Variants in ARAP2 observed in about 807,000 individuals in gnomAD.
The protein encoded by ARAP2 is ArfGAP with RhoGAP domain, ankyrin repeat and PH domain 2.
A neutral mutation model predicts 194.5 loss-of-function variants in ARAP2; 148 were observed. The ratio of observed to expected loss-of-function variants is 0.76; its 90% confidence interval spans 0.67 to 0.87. The LOEUF is 0.87. Among genes scored for constraint, ARAP2 ranks in the 40% least tolerant of loss-of-function variants. The pLI, the probability that ARAP2 is intolerant of heterozygous loss-of-function variation, is 0.00. For missense variants in ARAP2, 2,128 were observed against 1,989.7 expected (o/e 1.07, Z -1.32); for synonymous variants, 695 against 683.5 (o/e 1.02, Z -0.26).
rs905106178 is a variant in ARAP2 at position 36,180,284 on chromosome 4, G to A, written c.1679-2279C>T. Among the ~76,000 whole-genome samples the A allele has an allele frequency of 6.0e-5, 9 of 150,308 alleles. No individual in the cohort carries two copies. In the East Asian group the frequency reaches 7.8e-4, roughly 13 times the overall value. On this transcript the variant is annotated intron_variant, in intron 8 of 32. Coordinates refer to ENST00000303965, the MANE Select transcript of ARAP2 (RefSeq NM_015230.4). The stretch of plus-strand genomic sequence containing the variant: ...CAAAACTTCGTCCCCCCGCTCCCCC[G>A]CCAAAAAAAAAAGAATTGGTGCTTG...
intron 2 of ARAP2, among the ~76,000 whole-genome samples, chr4:36,216,352 A>G (rs1747936991): frequency 6.6e-6 from 1 of 152,254 alleles, no homozygotes; most frequent in Non-Finnish European, 1.5e-5. Context: ...TAGAATAGCT[A>G]AAATTAAGGC....
intron 8 of ARAP2, 28 bp from the exon 9 acceptor site, chr4:36,178,033 T>C: frequency 1.3e-6 from 2 of 1,555,500 alleles, no homozygotes; most frequent in Non-Finnish European, 8.7e-7. Context: ...AGAAAATACA[T>C]AAATCCACAT....
intron 2 of ARAP2, among the ~76,000 whole-genome samples, chr4:36,227,169 C>G (rs904918609): frequency 6.6e-6 from 1 of 152,064 alleles, no homozygotes; most frequent in African/African-American, 2.4e-5. Flanking sequence ...CCCATGTGAT[C>G]TTGGAGAAAT....
intron 3 of ARAP2, among the ~76,000 whole-genome samples, chr4:36,049,214 TTTAA>T (rs1214820815): frequency 6.6e-6 from 1 of 152,166 alleles, no homozygotes; most frequent in Non-Finnish European, 1.5e-5. Flanking sequence ...TATTCTTAAG[TTTAA>T]TTAAAGCTTA....
chr4:36,124,620 T>C (rs966331092), intron 22 of ARAP2, among the ~76,000 whole-genome samples: 1 of 151,902 alleles, frequency 6.6e-6, no homozygotes, highest in Non-Finnish European at 1.5e-5. Flanking sequence ...ATTCTCCAGC[T>C]TCCAAACCAA....
At position 36,210,891 on chromosome 4, in the gene ARAP2, A is replaced by T. The variant is rs76600730; in HGVS notation, c.1134-148T>A. The stretch of plus-strand genomic sequence containing the variant: ...CCATTAACCCTATTGAAAATTTTTT[A>T]AACTCTTCCAGAAAAGCTAAGTAAA... On this transcript the variant is annotated intron_variant, in intron 5 of 32. Transcript: ENST00000303965. The T allele has an allele frequency of 6.4e-3, 3,793 of 589,150 alleles. 55 individuals are homozygous for T. The highest frequency in any genetic ancestry group is 0.039 in the African/African-American group (2,035 of 52,376). 36.5% of individuals were successfully genotyped at this position (589,150 alleles called of 1,614,324 possible).
chr4:36,109,523 C>T (rs950096360), intron 26 of ARAP2, among the ~76,000 whole-genome samples: 1 of 151,778 alleles, frequency 6.6e-6, no homozygotes, highest in Admixed American at 6.6e-5. Context: ...ATCTTTTGTG[C>T]TATGTCAATA....
At position 36,028,650 on chromosome 4, in the gene ARAP2, T is replaced by C. The variant is rs534106880; in HGVS notation, n.608-9364A>G. Among the ~76,000 whole-genome samples, 5 of 152,046 alleles carry C rather than the reference T, an allele frequency of 3.3e-5. No homozygotes were observed. In the South Asian group the frequency reaches 1.0e-3, roughly 31 times the overall value. On this transcript the variant is annotated intron_variant and non_coding_transcript_variant, in intron 5 of 12. Transcript: ENST00000503225. ...AATCAGTCTATTGATTTATTAATTA[T>C]GTTTTTTCCTGTTTTCCCTTTCACT...
chr4:36,131,610 CT>C lies in ARAP2; in HGVS notation c.3427+1615del, dbSNP rs549743201. Among the ~76,000 whole-genome samples the C allele has an allele frequency of 1.7e-4, 26 of 151,628 alleles. 1 individual carries two copies. The South Asian group carries it at 5.4e-3, about 31-fold the overall frequency. On this transcript the variant is annotated intron_variant, in intron 20 of 32. Coordinates refer to ENST00000303965, the MANE Select transcript of ARAP2 (RefSeq NM_015230.4). Reference sequence around the variant, plus strand: ...AAATCGAATGCTGAGTTATTTTAAACTTAAATAAACACAAGGAAAATTCTGA... The same window carrying C: ...AAATCGAATGCTGAGTTATTTTAAACTAAATAAACACAAGGAAAATTCTGA...
chr4:36,073,703 G>A lies in ARAP2; in HGVS notation c.4729C>T (p.Arg1577Trp), dbSNP rs780874895. ...IQHEGNATLA[R>W]KNIESARAEL... Reference sequence around the variant, plus strand: ...TCCTAACCTACCTCAATATTTTTCCGGGCCAAGGTTGCATTCCCCTCATGC... The same window carrying A: ...TCCTAACCTACCTCAATATTTTTCCAGGCCAAGGTTGCATTCCCCTCATGC... Residue 1577 changes from arginine to tryptophan, a missense_variant, in exon 32 of 33, where the codon CGG becomes TGG. Transcript: ENST00000303965. 4.1e-5 allele frequency: 66 copies of A among 1,609,638 alleles called. No individual in the cohort carries two copies. The highest frequency in any genetic ancestry group is 1.8e-4 in the Admixed American group (11 of 59,660).
At position 36,229,549 on chromosome 4, in the gene ARAP2, A is replaced by T. The variant is rs1751028009; in HGVS notation, c.-63T>A. 9 of 1,304,300 alleles carry T rather than the reference A, an allele frequency of 6.9e-6. No homozygotes were observed. The highest frequency in any genetic ancestry group is 2.4e-4 in the Middle Eastern group (1 of 4,242). 80.8% of individuals were successfully genotyped at this position (1,304,300 alleles called of 1,614,324 possible). A position where few individuals can be genotyped will look rare whatever the true frequency, so the allele number is the denominator to read the frequency against. On this transcript the variant is annotated 5_prime_UTR_variant, in exon 2 of 33. Transcript: ENST00000303965. ...GGCACGATGAGACACACACACAAGA[A>T]GATGTACTTCTCTACTGGCTTTTCC...
rs533931970 is a variant in ARAP2 at position 36,209,540 on chromosome 4, T to G, written c.1487+850A>C. 9.6e-6 allele frequency: 3 copies of G among 311,180 alleles called. No individual in the cohort carries two copies. In the East Asian group the frequency reaches 2.7e-4, roughly 29 times the overall value. The allele number at this position is 311,180 out of a possible 1,614,324, so 19.3% of individuals were successfully genotyped here. A position where few individuals can be genotyped will look rare whatever the true frequency, so the allele number is the denominator to read the frequency against. On this transcript the variant is annotated intron_variant, in intron 6 of 32. Transcript: ENST00000303965. ...AGTCATCTGATGCTGCTTCTGGTAG[T>G]TTTTTTTTCCAATTAAAATTATTTT...
intron 27 of ARAP2, among the ~76,000 whole-genome samples, chr4:36,096,486 A>C (rs1447245691): frequency 1.3e-5 from 2 of 152,286 alleles, no homozygotes; most frequent in South Asian, 2.1e-4. Context: ...AATTAGCATA[A>C]GAGAACAAAA....
At chr4:36,080,052 T>C (rs41282367) in intron 31 of ARAP2, among the ~76,000 whole-genome samples, 164 bp downstream of exon 31, 1 of 152,210 alleles carries the variant, frequency 6.6e-6, no homozygotes, top group African/African-American at 2.4e-5. Context: ...ATTTGAACTT[T>C]AATATACTAT....
At chr4:36,166,794 A>C (rs929515990) in intron 10 of ARAP2, 138 bp downstream of exon 10, 4 of 425,696 alleles carry the variant, frequency 9.4e-6, no homozygotes, top group African/African-American at 8.2e-5. Context: ...ATAGTGGCTA[A>C]CAAATTAGAC....
At chr4:36,078,887 G>A (rs923426832) in intron 31 of ARAP2, among the ~76,000 whole-genome samples, 3 of 150,344 alleles carry the variant, frequency 2.0e-5, no homozygotes, top group East Asian at 1.9e-4. Context: ...AGTAGAACTC[G>A]ATGTGGCCTA....
At chr4:36,036,556 A>T (rs1360167585) in intron 5 of ARAP2, among the ~76,000 whole-genome samples, 1 of 152,138 alleles carries the variant, frequency 6.6e-6, no homozygotes, top group Non-Finnish European at 1.5e-5. Context: ...TGTTAAAATG[A>T]AGATAAAAAG....
intron 9 of ARAP2, among the ~76,000 whole-genome samples, chr4:36,169,414 G>T (rs753439305): frequency 1.7e-4 from 26 of 152,110 alleles, no homozygotes; most frequent in Non-Finnish European, 2.6e-4. Context: ...TGAATAGATG[G>T]CTGCTCATCT....
chr4:36,116,874 A>G (rs1474474726), intron 25 of ARAP2, among the ~76,000 whole-genome samples, 187 bp downstream of exon 25: 1 of 151,790 alleles, frequency 6.6e-6, no homozygotes, highest in East Asian at 1.9e-4. Flanking sequence ...AGCACATAAG[A>G]TGTTCTCTTT....
Sources: gnomAD v4.1 joint callset for allele counts (sites outside exome capture counted in the v4.1 genomes callset) on GRCh38, gnomAD v4.1.1 for gene constraint, MANE v1.5 for transcripts, NCBI Gene and HGNC (gene_info 2026-07-23, HGNC 2026-07-21) for gene names.